The following ZNF385D variants were observed in gnomAD, a reference collection of about 807,000 sequenced individuals.
ZNF385D encodes zinc finger protein 385D.
A neutral mutation model predicts 35.8 loss-of-function variants in ZNF385D; 15 were observed. The ratio of observed to expected loss-of-function variants is 0.42; its 90% CI spans 0.28 to 0.64. ZNF385D has a LOEUF of 0.64. ZNF385D is among the 30% of genes least tolerant of loss of function. ZNF385D has a pLI of 0.23. For synonymous variants in ZNF385D, 212 were observed against 186.8 expected (o/e 1.13, Z -1.10); for missense variants, 474 against 494.6 (o/e 0.96, Z 0.39).
intron 2 of ZNF385D, among the ~76,000 whole-genome samples, chr3:21,585,697 A>T (rs1824214): frequency 0.67 from 101,424 of 152,020 alleles, 34,122 homozygotes; most frequent in Middle Eastern, 0.74. Context: ...ACTCCAAAAC[A>T]TTCCACAGGA....
At chr3:21,981,564 T>C (rs1694453473) in intron 3 of ZNF385D, among the ~76,000 whole-genome samples, 1 of 152,192 alleles carries the variant, frequency 6.6e-6, no homozygotes, top group Non-Finnish European at 1.5e-5. Flanking sequence ...TCTTAACAAT[T>C]AATCAGATCC....
At chr3:22,162,316 C>T (rs1445993119) in intron 3 of ZNF385D, among the ~76,000 whole-genome samples, 3 of 152,114 alleles carry the variant, frequency 2.0e-5, no homozygotes, top group Admixed American at 1.3e-4. Context: ...CTTTGAAAAG[C>T]TGTCTTTTTG....
intron 3 of ZNF385D, among the ~76,000 whole-genome samples, chr3:21,889,406 G>A (rs1476062290): frequency 6.6e-6 from 1 of 152,120 alleles, no homozygotes; most frequent in Admixed American, 6.5e-5. Flanking sequence ...GAAATGTACT[G>A]GCCTCTGTGG....
intron 3 of ZNF385D, among the ~76,000 whole-genome samples, chr3:21,788,861 C>T (rs1296341706): frequency 6.6e-6 from 1 of 152,106 alleles, no homozygotes; most frequent in East Asian, 1.9e-4. Context: ...GCCAATGTGG[C>T]CAATGAGACG....
chr3:22,019,034 C>CTTTTTTTTTTTTTTTTTTTTTTTTT lies in ZNF385D; in HGVS notation c.325+149758_325+149782dup, dbSNP rs11380195. The stretch of plus-strand genomic sequence containing the variant: ...CAGTTTCATGGATAGAGTTATTTAC[C>CTTTTTTTTTTTTTTTTTTTTTTTTT]TTTTTTTTTTTTTTTTTTTTTTTTT... On this transcript the variant is annotated intron_variant, in intron 3 of 5. Transcript: ENST00000494108. Among the ~76,000 whole-genome samples, 6 of 64,460 alleles carry CTTTTTTTTTTTTTTTTTTTTTTTTT rather than the reference C, an allele frequency of 9.3e-5. 1 individual carries two copies. Among genetic ancestry groups the CTTTTTTTTTTTTTTTTTTTTTTTTT allele is most frequent in the Admixed American group, 1.7e-4 (1 of 5,894 alleles). 42.3% of individuals were successfully genotyped at this position (64,460 alleles called of 152,430 possible).
At chr3:22,037,634 A>C (rs1197555721) in intron 3 of ZNF385D, among the ~76,000 whole-genome samples, 1 of 152,132 alleles carries the variant, frequency 6.6e-6, no homozygotes, top group Non-Finnish European at 1.5e-5. Flanking sequence ...GTAGATTGCA[A>C]AAATTTTCTC....
At chr3:22,120,249 T>C (rs560022709) in intron 3 of ZNF385D, among the ~76,000 whole-genome samples, 1 of 152,068 alleles carries the variant, frequency 6.6e-6, no homozygotes, top group Non-Finnish European at 1.5e-5. Flanking sequence ...CTCACAGTTG[T>C]GGAGGATAGA....
chr3:22,126,945 T>A (rs1324454331), intron 3 of ZNF385D, among the ~76,000 whole-genome samples: 1 of 152,180 alleles, frequency 6.6e-6, no homozygotes, highest in African/African-American at 2.4e-5. Flanking sequence ...GTCCCTTTTT[T>A]GTGATTTTTG....
chr3:21,749,331 G>A (rs911883812), intron 1 of ZNF385D, among the ~76,000 whole-genome samples: 1 of 152,140 alleles, frequency 6.6e-6, no homozygotes, highest in Non-Finnish European at 1.5e-5. Flanking sequence ...GATGGCCTTT[G>A]ACCAGTACTT....
At chr3:21,458,533 G>C (rs570105669) in intron 4 of ZNF385D, among the ~76,000 whole-genome samples, 3 of 151,620 alleles carry the variant, frequency 2.0e-5, no homozygotes, top group African/African-American at 7.3e-5. Flanking sequence ...AAAGGGAAGG[G>C]GAGGGGAGGG....
intron 2 of ZNF385D, among the ~76,000 whole-genome samples, chr3:22,365,931 T>A (rs985175025): frequency 1.3e-5 from 2 of 152,166 alleles, no homozygotes; most frequent in African/African-American, 4.8e-5. Flanking sequence ...TTATTGTACC[T>A]CACAGTATTT....
intron 2 of ZNF385D, among the ~76,000 whole-genome samples, chr3:21,575,459 A>C (rs1157300796): frequency 6.6e-6 from 1 of 152,204 alleles, no homozygotes; most frequent in African/African-American, 2.4e-5. Context: ...GGTCAAAAGT[A>C]GGAAATATAA....
At chr3:21,754,539 G>C (rs967725913), upstream of ZNF385D, among the ~76,000 whole-genome samples, 1 of 152,046 alleles carries the variant, frequency 6.6e-6, no homozygotes, top group Non-Finnish European at 1.5e-5. Context: ...TCTAAGATCC[G>C]GGTAGCTGCC....
intron 3 of ZNF385D, among the ~76,000 whole-genome samples, chr3:21,807,356 A>G (rs2072698809): frequency 6.6e-6 from 1 of 152,128 alleles, no homozygotes; most frequent in South Asian, 2.1e-4. Flanking sequence ...TTGGTTTATG[A>G]CACTATGAAG....
chr3:21,554,047 C>T (rs893135218), intron 3 of ZNF385D, among the ~76,000 whole-genome samples: 1 of 152,178 alleles, frequency 6.6e-6, no homozygotes, highest in East Asian at 1.9e-4. Context: ...TTTTGACTTC[C>T]TCCCATGAGT....
intron 4 of ZNF385D, among the ~76,000 whole-genome samples, chr3:21,510,336 G>T (rs962580738): frequency 6.6e-5 from 10 of 152,124 alleles, no homozygotes; most frequent in Admixed American, 2.6e-4. Context: ...ACCTGTGTTT[G>T]CAGAGGGAAG....
At chr3:22,043,452 C>T (rs191329914) in intron 3 of ZNF385D, among the ~76,000 whole-genome samples, 1 of 152,084 alleles carries the variant, frequency 6.6e-6, no homozygotes, top group East Asian at 1.9e-4. Context: ...TATTTTAAAA[C>T]AAAGGAAAGT....
intron 2 of ZNF385D, among the ~76,000 whole-genome samples, chr3:22,180,267 C>G (rs1695145881): frequency 6.6e-6 from 1 of 152,310 alleles, no homozygotes; most frequent in South Asian, 2.1e-4. Flanking sequence ...AGACCAATAA[C>G]AGGCTCTGAA....
At chr3:21,800,834 CTTCT>C (rs1215742386) in intron 3 of ZNF385D, among the ~76,000 whole-genome samples, 1 of 151,992 alleles carries the variant, frequency 6.6e-6, no homozygotes, top group African/African-American at 2.4e-5. Flanking sequence ...CATAGTTTCG[CTTCT>C]TTTTCAATTT....
Sources: gnomAD v4.1 joint callset for allele counts (sites outside exome capture counted in the v4.1 genomes callset) on GRCh38, gnomAD v4.1.1 for gene constraint, MANE v1.5 for transcripts, NCBI Gene and HGNC (gene_info 2026-07-23, HGNC 2026-07-21) for gene names.